MYO1D: variants seen among roughly 807,000 people sequenced by gnomAD.
MYO1D encodes myosin ID.
In MYO1D, 83 loss-of-function variants were observed where a neutral mutation model predicts 122.0. The ratio of observed to expected loss-of-function variants is 0.68; its 90% CI spans 0.57 to 0.82. MYO1D has a LOEUF of 0.82. Ranked by LOEUF, MYO1D falls within the 40% of genes least tolerant of loss-of-function variation. MYO1D has a pLI of 0.00. For synonymous variants in MYO1D, 464 were observed against 446.9 expected, an observed-to-expected ratio of 1.04 and a Z score of -0.48; for missense variants, 1,157 against 1,269.5, an observed-to-expected ratio of 0.91 and a Z score of 1.35.
chr17:32,874,428 G>C (rs1321234574), intron 1 of MYO1D, among the ~76,000 whole-genome samples: 1 of 152,018 alleles, frequency 6.6e-6, no homozygotes, highest in Non-Finnish European at 1.5e-5. Flanking sequence ...CGGCAGCTTT[G>C]AACTCCTGGG....
chr17:32,497,690 A>T (rs1281861548), intron 21 of MYO1D: 2 of 152,316 alleles, frequency 1.3e-5, no homozygotes, highest in South Asian at 2.1e-4. Flanking sequence ...CACGCTCTGG[A>T]AGGTCCAAGC....
At chr17:32,743,539 A>C (rs954445331) in intron 13 of MYO1D, among the ~76,000 whole-genome samples, 3 of 151,882 alleles carry the variant, frequency 2.0e-5, no homozygotes, top group Non-Finnish European at 2.9e-5. Context: ...TCAAAATATC[A>C]CCCAATCTGA....
At chr17:32,543,583 C>CAAATAAAT (rs552539854) in intron 21 of MYO1D, among the ~76,000 whole-genome samples, 1 of 150,246 alleles carries the variant, frequency 6.7e-6, no homozygotes, top group Non-Finnish European at 1.5e-5. Flanking sequence ...CAAAAACAAA[C>CAAATAAAT]AAATAAATAA....
At chr17:32,596,591 G>A (rs2150907970) in intron 21 of MYO1D, among the ~76,000 whole-genome samples, 1 of 152,336 alleles carries the variant, frequency 6.6e-6, no homozygotes, top group East Asian at 1.9e-4. Context: ...CTGAGAAGCT[G>A]GTCGAATGTT....
At chr17:32,765,763 C>T (rs1458517770) in intron 7 of MYO1D, among the ~76,000 whole-genome samples, 1 of 151,862 alleles carries the variant, frequency 6.6e-6, no homozygotes, top group Non-Finnish European at 1.5e-5. Context: ...TGGCCTTTTT[C>T]CTTAAACTTT....
intron 21 of MYO1D, among the ~76,000 whole-genome samples, chr17:32,547,933 G>C (rs1321304333): frequency 1.4e-5 from 2 of 145,734 alleles, no homozygotes; most frequent in Admixed American, 1.4e-4. Context: ...CTGGGTGAAG[G>C]AGCAAGACCG....
At chr17:32,740,401 G>A (rs183826558) in intron 13 of MYO1D, among the ~76,000 whole-genome samples, 2 of 152,156 alleles carry the variant, frequency 1.3e-5, no homozygotes, top group Admixed American at 1.3e-4. Flanking sequence ...TTAAATAGCA[G>A]AATTGATACA....
chr17:32,777,777 C>CA (rs2151027237), intron 3 of MYO1D, among the ~76,000 whole-genome samples: 1 of 151,724 alleles, frequency 6.6e-6, no homozygotes, highest in Non-Finnish European at 1.5e-5. Flanking sequence ...ACTAAAAACA[C>CA]AAAAAAATTA....
In MYO1D at chr17:32,780,567, TC is replaced by T; in HGVS notation, c.304+8del. 6.2e-7 allele frequency: 1 copy of T among 1,612,634 alleles called. No individual in the cohort carries two copies. Among genetic ancestry groups the T allele is most frequent in the Non-Finnish European group, 8.5e-7 (1 of 1,179,288 alleles). On this transcript the variant is annotated splice_region_variant and intron_variant, in intron 2 of 21. Transcript: ENST00000318217. Reference sequence around the variant, plus strand: ...GACTTTGGAAATACAGGGGATCCCCTCCAATTACCTGATATCACAATACAAG... The same window carrying T: ...GACTTTGGAAATACAGGGGATCCCCTCAATTACCTGATATCACAATACAAG...
intron 16 of MYO1D, among the ~76,000 whole-genome samples, chr17:32,692,837 A>G (rs2089121681): frequency 6.6e-6 from 1 of 152,248 alleles, no homozygotes; most frequent in Non-Finnish European, 1.5e-5. Context: ...AATGAGTTGC[A>G]AGGATTTCAT....
chr17:32,845,147 T>A (rs1263991789), intron 1 of MYO1D, among the ~76,000 whole-genome samples: 1 of 152,168 alleles, frequency 6.6e-6, no homozygotes, highest in Non-Finnish European at 1.5e-5. Context: ...TAACTTTCTA[T>A]TTTGACTCCC....
chr17:32,697,214 T>C (rs1343789979), intron 16 of MYO1D, among the ~76,000 whole-genome samples: 1 of 152,220 alleles, frequency 6.6e-6, no homozygotes, highest in Non-Finnish European at 1.5e-5. Context: ...CCTTTTCATG[T>C]TTCCATTCAG....
Position 32,507,892 on chromosome 17 carries a change from CTT to C in MYO1D, c.2865-12979_2865-12978del, listed in dbSNP as rs34271237. Among the ~76,000 whole-genome samples the C allele has an allele frequency of 1.0e-3, 113 of 109,286 alleles. 1 individual carries two copies. The highest frequency in any genetic ancestry group is 5.9e-3 in the South Asian group (19 of 3,198). 71.7% of individuals were successfully genotyped at this position (109,286 alleles called of 152,430 possible). A position where few individuals can be genotyped will look rare whatever the true frequency, so the allele number is the denominator to read the frequency against. On this transcript the variant is annotated intron_variant, in intron 21 of 21. Coordinates refer to ENST00000318217, the MANE Select transcript of MYO1D (RefSeq NM_015194.3). ...CTCACCAGAACCCAACCATGCTGGACTTTTTTTTTTTTTTTTTTTTTTGAGAC... is the reference window on the plus strand; with the variant it reads ...CTCACCAGAACCCAACCATGCTGGACTTTTTTTTTTTTTTTTTTTTGAGAC...
intron 10 of MYO1D, chr17:32,756,295 A>G: frequency 8.8e-6 from 2 of 226,850 alleles, no homozygotes; most frequent in African/African-American, 2.2e-5. Context: ...TGTTTGGCAG[A>G]GTTGCCTTCT....
chr17:32,649,525 G>T, intron 19 of MYO1D, among the ~76,000 whole-genome samples: 1 of 150,264 alleles, frequency 6.7e-6, no homozygotes. Context: ...TGTATTTATG[G>T]CTTTTTATCC....
intron 21 of MYO1D, among the ~76,000 whole-genome samples, chr17:32,567,149 T>C (rs2087181560): frequency 6.6e-6 from 1 of 151,864 alleles, no homozygotes; most frequent in Non-Finnish European, 1.5e-5. Context: ...GTGGCAGAAG[T>C]CAATAAATTG....
chr17:32,856,193 G>C (rs1477686549), intron 1 of MYO1D, among the ~76,000 whole-genome samples: 1 of 152,126 alleles, frequency 6.6e-6, no homozygotes, highest in Non-Finnish European at 1.5e-5. Flanking sequence ...GTATGAGGGA[G>C]AGATATGGAC....
At chr17:32,660,417 G>A (rs1035645484) in intron 16 of MYO1D, among the ~76,000 whole-genome samples, 15 of 152,088 alleles carry the variant, frequency 9.9e-5, no homozygotes, top group Non-Finnish European at 1.3e-4. Context: ...AAAAATCCCC[G>A]TCTGTGCCCA....
chr17:32,629,206 C>T (rs779321870), intron 20 of MYO1D, among the ~76,000 whole-genome samples: 10 of 152,072 alleles, frequency 6.6e-5, no homozygotes, highest in Non-Finnish European at 1.3e-4. Context: ...TAGTGGTTCC[C>T]GTAGGTTCAG....
Sources: gnomAD v4.1 joint callset for allele counts (sites outside exome capture counted in the v4.1 genomes callset) on GRCh38, gnomAD v4.1.1 for gene constraint, MANE v1.5 for transcripts, NCBI Gene and HGNC (gene_info 2026-07-23, HGNC 2026-07-21) for gene names.